Variants in TOMM70 observed in about 807,000 individuals in gnomAD.
TOMM70 encodes translocase of outer mitochondrial membrane 70.
TOMM70 carries 13 observed loss-of-function variants against 73.6 expected under a neutral mutation model. That is an observed-to-expected ratio of 0.18 (90% CI 0.11 to 0.28). The LOEUF (loss-of-function observed/expected upper bound fraction) is 0.28, where lower values mean the gene tolerates loss of function less well. TOMM70 is among the 10% of genes least tolerant of loss of function. The pLI is 1.00. For missense variants in TOMM70, 609 were observed against 747.5 expected, an observed-to-expected ratio of 0.81 and a Z score of 2.16; for synonymous variants, 257 against 271.2, an observed-to-expected ratio of 0.95 and a Z score of 0.51.
At chr3:100,398,777 T>TGGC (rs765007798) in intron 1 of TOMM70, among the ~76,000 whole-genome samples, 102 of 152,334 alleles carry the variant, frequency 6.7e-4, no homozygotes, top group Middle Eastern at 3.4e-3. Flanking sequence ...GAGAGCCCAC[T>TGGC]ATAAAGCTTA....
Position 100,400,620 on chromosome 3 carries a change from T to C in TOMM70, c.324+6A>G. On this transcript the variant is annotated splice_donor_region_variant and intron_variant, in intron 1 of 11. Transcript: ENST00000284320. ...TCCTCCTCTACGGCCTGGGGCTGCT[T>C]CTCACCATGTCCAAGTGAGCACCGG... 1.2e-6 allele frequency: 2 copies of C among 1,609,530 alleles called. No homozygotes were observed. The highest frequency in any genetic ancestry group is 1.7e-6 in the Non-Finnish European group (2 of 1,178,572).
In TOMM70 at chr3:100,365,804, G is replaced by C. The variant is rs887804367; in HGVS notation, c.1674-87C>G. On this transcript the variant is annotated intron_variant, in intron 11 of 11. Coordinates refer to ENST00000284320, the MANE Select transcript of TOMM70 (RefSeq NM_014820.5). ...TTGTAAGTGATGGTACATGAAGTCT[G>C]ACCACTAAGTTTCTTCACAATATTC... 14 of 1,458,174 alleles carry C rather than the reference G, an allele frequency of 9.6e-6. No homozygotes were observed. The East Asian group carries it at 3.2e-4, about 34-fold the overall frequency. 90.3% of individuals were successfully genotyped at this position (1,458,174 alleles called of 1,614,324 possible).
chr3:100,372,576 T>A, intron 9 of TOMM70, 30 bp downstream of exon 9: 1 of 1,554,528 alleles, frequency 6.4e-7, no homozygotes, highest in African/African-American at 1.4e-5. Context: ...TGTATGCAGT[T>A]ATTTTTAAAA....
intron 3 of TOMM70, among the ~76,000 whole-genome samples, chr3:100,385,297 G>T (rs1278276043): frequency 6.6e-6 from 1 of 152,094 alleles, no homozygotes; most frequent in African/African-American, 2.4e-5. Flanking sequence ...GCCAGTTATT[G>T]TGTTAGTAAC....
rs773691687 is a variant in TOMM70 at position 100,377,791 on chromosome 3, C to T, written c.1006G>A (p.Ala336Thr). ...TTGCCAATAAGCAGGTAGAAGGTAG[C>T]TCGTAGTAGCAATGCTTCTGCCATG... ...KYMAEALLLRATFYLLIGNAN... is the reference protein window; with the variant it reads ...KYMAEALLLRTTFYLLIGNAN... The change falls in exon 6 of 12, where the codon GCT becomes ACT. Residue 336 changes from alanine to threonine, a missense_variant. By Grantham distance (58) the Ala-to-Thr change is moderately conservative. Around this residue, in one of 2 missense-constraint regions of TOMM70, gnomAD observed 432 missense variants for 584.1 expected, o/e 0.74. Coordinates refer to ENST00000284320, the MANE Select transcript of TOMM70 (RefSeq NM_014820.5). 4 of 1,614,198 alleles carry T rather than the reference C, an allele frequency of 2.5e-6. No individual in the cohort carries two copies. In the Admixed American group the frequency reaches 5.0e-5, roughly 20 times the overall value.
chr3:100,382,434 AAG>A (rs1706643752), intron 4 of TOMM70, among the ~76,000 whole-genome samples: 1 of 152,214 alleles, frequency 6.6e-6, no homozygotes, highest in African/African-American at 2.4e-5. Flanking sequence ...GTGGGATAGA[AAG>A]AGAACTAAAA....
At chr3:100,395,803 A>G (rs1434222476) in intron 1 of TOMM70, among the ~76,000 whole-genome samples, 1 of 152,222 alleles carries the variant, frequency 6.6e-6, no homozygotes, top group Non-Finnish European at 1.5e-5. Context: ...TGAACAAGAT[A>G]GAGCCAGTCT....
chr3:100,375,402 C>T (rs1340947122), intron 6 of TOMM70, among the ~76,000 whole-genome samples: 1 of 152,158 alleles, frequency 6.6e-6, no homozygotes, highest in African/African-American at 2.4e-5. Context: ...CCCTCACCTC[C>T]TACTCTTCAG....
At chr3:100,375,256 C>T (rs1706549779) in intron 6 of TOMM70, 104 bp from the exon 7 acceptor site, 1 of 1,380,518 alleles carries the variant, frequency 7.2e-7, no homozygotes, top group East Asian at 2.5e-5. Context: ...TCACAAAGGT[C>T]ACCCTTTTAA....
Position 100,401,053 on chromosome 3 carries a change from C to T in TOMM70, c.-104G>A. 8.1e-7 allele frequency: 1 copy of T among 1,238,038 alleles called. No homozygotes were observed. The highest frequency in any genetic ancestry group is 2.7e-5 in the East Asian group (1 of 36,630). The allele number at this position is 1,238,038 out of a possible 1,614,324, so 76.7% of individuals were successfully genotyped here. ...GGAGGGAAGGAAAGCAATGAGCGAG[C>T]GAGCACGCTAGGCAGAGAGAGCGGA... On this transcript the variant is annotated 5_prime_UTR_variant, in exon 1 of 12. Coordinates refer to ENST00000284320, the MANE Select transcript of TOMM70 (RefSeq NM_014820.5).
At chr3:100,369,650 A>G (rs924540000) in intron 9 of TOMM70, among the ~76,000 whole-genome samples, 1 of 151,908 alleles carries the variant, frequency 6.6e-6, no homozygotes, top group African/African-American at 2.4e-5. Context: ...ACAGGCGCCC[A>G]ACACCTTGCC....
chr3:100,366,672 A>C (rs1009729228), intron 11 of TOMM70, among the ~76,000 whole-genome samples: 4 of 152,246 alleles, frequency 2.6e-5, no homozygotes, highest in African/African-American at 9.6e-5. Context: ...CATTTATTCA[A>C]ATTCACTTAT....
chr3:100,395,166 G>T (rs543886653), intron 1 of TOMM70, among the ~76,000 whole-genome samples: 1 of 152,146 alleles, frequency 6.6e-6, no homozygotes, highest in South Asian at 2.1e-4. Flanking sequence ...TCAGGAGATT[G>T]AGACCATCCT....
In TOMM70 at chr3:100,365,483, C is replaced by T; in HGVS notation, c.*81G>A. The T allele has an allele frequency of 6.4e-7, 1 of 1,554,286 alleles. No individual in the cohort carries two copies. Among genetic ancestry groups the T allele is most frequent in the Non-Finnish European group, 8.8e-7 (1 of 1,139,586 alleles). ...AAATACTGATTTCCACCATTCAACA[C>T]AGTTCATGACAGTGTCTTTAGGGTT... On this transcript the variant is annotated 3_prime_UTR_variant, in exon 12 of 12. Coordinates refer to ENST00000284320, the MANE Select transcript of TOMM70 (RefSeq NM_014820.5).
In TOMM70 at chr3:100,364,704, T is replaced by C. The variant is rs960668211; in HGVS notation, c.*860A>G. 3.9e-5 allele frequency: 6 copies of C among 152,224 alleles called. 1 individual carries two copies. Among genetic ancestry groups the C allele is most frequent in the African/African-American group, 1.4e-4 (6 of 41,530 alleles). The allele number at this position is 152,224 out of a possible 1,614,324, so 9.4% of individuals were successfully genotyped here. On this transcript the variant is annotated 3_prime_UTR_variant, in exon 12 of 12. Transcript: ENST00000284320. ...CCTCCCTAGTAGCTGAGACTATAAA[T>C]AGTATATACAGTGCCACTGTACCCT...
intron 1 of TOMM70, 125 bp from the exon 2 acceptor site, chr3:100,387,103 T>C (rs1706700318): frequency 3.2e-6 from 3 of 945,804 alleles, no homozygotes; most frequent in African/African-American, 1.7e-5. Flanking sequence ...AGTTGCTTCA[T>C]ACAAATATCT....
rs142868383 is a variant in TOMM70 at position 100,382,782 on chromosome 3, C to T, written c.736-1019G>A. ...GTTATAAATTTAAAGTGAAAATAAACGGTTACAAGAAAGGGATTTAAGTAT... is the reference window on the plus strand; with the variant it reads ...GTTATAAATTTAAAGTGAAAATAAATGGTTACAAGAAAGGGATTTAAGTAT... On this transcript the variant is annotated intron_variant, in intron 4 of 11. Transcript: ENST00000284320. 4.0e-3 allele frequency among the ~76,000 whole-genome samples: 614 copies of T among 152,178 alleles called. 3 individuals carry two copies. The highest frequency in any genetic ancestry group is 7.9e-3 in the South Asian group (38 of 4,820).
intron 9 of TOMM70, among the ~76,000 whole-genome samples, 158 bp from the exon 10 acceptor site, chr3:100,369,293 G>A (rs551964453): frequency 5.9e-5 from 9 of 152,050 alleles, no homozygotes; most frequent in East Asian, 3.9e-4. Context: ...CTTAATTATC[G>A]GAGTTTTTAG....
At chr3:100,371,652 A>AG (rs543491866) in intron 9 of TOMM70, among the ~76,000 whole-genome samples, 32 of 152,316 alleles carry the variant, frequency 2.1e-4, no homozygotes, top group Non-Finnish European at 3.7e-4. Flanking sequence ...AGAGAAAAAA[A>AG]AAGAAAAATA....
Sources: allele counts gnomAD v4.1 joint callset (sites outside exome capture counted in the v4.1 genomes callset), GRCh38; gene constraint gnomAD v4.1.1; regional missense constraint gnomAD v4.1.1; transcripts MANE v1.5; gene names NCBI Gene and HGNC (gene_info 2026-07-23, HGNC 2026-07-21).